POU6F2: variants seen among roughly 807,000 people sequenced by gnomAD.
POU6F2 encodes POU domain, class 6, transcription factor 2.
A neutral mutation model predicts 71.3 loss-of-function variants in POU6F2; 31 were observed. That is an observed-to-expected ratio of 0.43 (90% CI 0.33 to 0.59). The LOEUF is 0.59. Among genes scored for constraint, POU6F2 ranks in the 20% least tolerant of loss-of-function variants. POU6F2 has a pLI of 0.04. For missense variants in POU6F2, 783 were observed against 856.8 expected, an observed-to-expected ratio of 0.91 and a Z score of 1.07; for synonymous variants, 347 against 355.7, an observed-to-expected ratio of 0.98 and a Z score of 0.27.
chr7:39,383,613 ATGC>A (rs1177861977), intron 5 of POU6F2, among the ~76,000 whole-genome samples: 1 of 152,166 alleles, frequency 6.6e-6, no homozygotes, highest in Non-Finnish European at 1.5e-5. Context: ...TCACTCAGAG[ATGC>A]TTAACCATTG....
chr7:39,444,377 A>T (rs1054187697), intron 7 of POU6F2, among the ~76,000 whole-genome samples: 1 of 152,226 alleles, frequency 6.6e-6, no homozygotes, highest in African/African-American at 2.4e-5. Flanking sequence ...TGAGCTCAGG[A>T]GTTCGAGACC....
chr7:39,112,488 T>A (rs1791836825), intron 2 of POU6F2, among the ~76,000 whole-genome samples: 1 of 152,202 alleles, frequency 6.6e-6, no homozygotes, highest in Non-Finnish European at 1.5e-5. Flanking sequence ...TTTTTCAATA[T>A]GCTTATAACC....
chr7:39,198,327 A>G (rs1270913544), intron 2 of POU6F2, among the ~76,000 whole-genome samples: 1 of 152,238 alleles, frequency 6.6e-6, no homozygotes, highest in Non-Finnish European at 1.5e-5. Flanking sequence ...TTCAGTCCAA[A>G]TAAGAGATTT....
chr7:39,073,740 G>A (rs1227540220), intron 1 of POU6F2, among the ~76,000 whole-genome samples: 1 of 152,244 alleles, frequency 6.6e-6, no homozygotes, highest in Non-Finnish European at 1.5e-5. Context: ...GGGAAGCACA[G>A]GAAGCAACGC....
intron 2 of POU6F2, among the ~76,000 whole-genome samples, chr7:39,139,092 G>T (rs1390175989): frequency 1.3e-5 from 2 of 152,004 alleles, no homozygotes; most frequent in East Asian, 3.9e-4. Flanking sequence ...TTTGAACCAG[G>T]GGCCCTGCAG....
chr7:39,017,353 T>C (rs2128705821), intron 1 of POU6F2, among the ~76,000 whole-genome samples: 1 of 152,328 alleles, frequency 6.6e-6, no homozygotes, highest in South Asian at 2.1e-4. Context: ...CTGGGATCTG[T>C]TTACTTTGTA....
chr7:39,109,309 T>G (rs1208413927), intron 2 of POU6F2, among the ~76,000 whole-genome samples: 1 of 152,232 alleles, frequency 6.6e-6, no homozygotes, highest in Non-Finnish European at 1.5e-5. Flanking sequence ...GTGCTGGGAT[T>G]ATAGGTGTGA....
chr7:39,312,994 A>G (rs1197082798), intron 4 of POU6F2, among the ~76,000 whole-genome samples: 1 of 152,174 alleles, frequency 6.6e-6, no homozygotes, highest in African/African-American at 2.4e-5. Flanking sequence ...AAGTACAGAT[A>G]AGGGGGGACT....
chr7:39,123,729 G>A (rs1195081476), intron 2 of POU6F2, among the ~76,000 whole-genome samples: 1 of 151,310 alleles, frequency 6.6e-6, no homozygotes, highest in Non-Finnish European at 1.5e-5. Context: ...TCATAGCAAT[G>A]ACTCCTCAGT....
intron 2 of POU6F2, among the ~76,000 whole-genome samples, chr7:39,193,957 C>A (rs1793724036): frequency 6.6e-6 from 1 of 152,112 alleles, no homozygotes; most frequent in Non-Finnish European, 1.5e-5. Context: ...ATAATATATA[C>A]AAAGTCATTA....
Position 39,418,084 on chromosome 7 carries a change from T to C in POU6F2, c.1113+11344T>C, listed in dbSNP as rs140442329. 3.3e-3 allele frequency among the ~76,000 whole-genome samples: 507 copies of C among 152,314 alleles called. 5 individuals carry two copies. The highest frequency in any genetic ancestry group is 0.011 in the African/African-American group (457 of 41,570). ...ATTATACAGATTAAGAAACTTCCAA[T>C]ATCACCCAACTAGAAATGGCTGGAT... On this transcript the variant is annotated intron_variant, in intron 6 of 9. Transcript: ENST00000518318.
At chr7:39,046,434 C>T (rs1026047058) in intron 1 of POU6F2, among the ~76,000 whole-genome samples, 4 of 151,798 alleles carry the variant, frequency 2.6e-5, no homozygotes, top group Non-Finnish European at 4.4e-5. Flanking sequence ...ATTTGAAGTG[C>T]AAGAGTTATT....
At position 39,235,855 on chromosome 7, in the gene POU6F2, G is replaced by A. The variant is rs1794665357; in HGVS notation, c.598+28235G>A. Among the ~76,000 whole-genome samples the A allele has an allele frequency of 1.3e-5, 2 of 152,156 alleles. 1 individual carries two copies. Among genetic ancestry groups the A allele is most frequent in the South Asian group, 4.2e-4 (2 of 4,816 alleles). ...GATGCAAACACATGTGGGGGAAAAT[G>A]AGCCTGTACCTCCTGGATCACACAG... On this transcript the variant is annotated intron_variant, in intron 4 of 9. Transcript: ENST00000518318.
chr7:39,405,181 G>T (rs1016132656), intron 5 of POU6F2, among the ~76,000 whole-genome samples: 1 of 152,140 alleles, frequency 6.6e-6, no homozygotes, highest in Non-Finnish European at 1.5e-5. Context: ...ATAAGATAAA[G>T]ATACCACATT....
intron 1 of POU6F2, among the ~76,000 whole-genome samples, chr7:38,986,395 C>G (rs1334219072): frequency 6.6e-6 from 1 of 152,052 alleles, no homozygotes; most frequent in African/African-American, 2.4e-5. Flanking sequence ...AAACTGCAAA[C>G]GTATGAATAT....
rs181424968 is a variant in POU6F2, at chr7:38,981,281, T to C, written c.105+3223T>C. Among the ~76,000 whole-genome samples the C allele has an allele frequency of 4.3e-3, 655 of 152,362 alleles. 3 individuals carry two copies. Among genetic ancestry groups the C allele is most frequent in the South Asian group, 0.015 (73 of 4,832 alleles). ...TGTTTAGTGCTTCGTTTCTTTTTTTTGCAGACCTGAGCTTGTGAGTGACAG... is the reference window on the plus strand; with the variant it reads ...TGTTTAGTGCTTCGTTTCTTTTTTTCGCAGACCTGAGCTTGTGAGTGACAG... On this transcript the variant is annotated intron_variant, in intron 1 of 9. Transcript: ENST00000518318.
intron 2 of POU6F2, among the ~76,000 whole-genome samples, chr7:39,177,553 C>T (rs1396160746): frequency 1.3e-5 from 2 of 152,190 alleles, no homozygotes; most frequent in African/African-American, 4.8e-5. Flanking sequence ...ATTTGTGTTG[C>T]ATTTCATCTA....
intron 2 of POU6F2, among the ~76,000 whole-genome samples, chr7:39,200,401 A>G (rs4499996): frequency 0.83 from 126,305 of 152,186 alleles, 52,855 homozygotes; most frequent in East Asian, 1. Context: ...GCCATGGTAT[A>G]TGTAAAAATT....
chr7:39,205,041 C>T (rs1325557277), intron 3 of POU6F2, among the ~76,000 whole-genome samples: 1 of 151,726 alleles, frequency 6.6e-6, no homozygotes, highest in African/African-American at 2.4e-5. Flanking sequence ...AAGTTAATGA[C>T]TTTAAGCACA....
Sources: gnomAD v4.1 joint callset for allele counts (sites outside exome capture counted in the v4.1 genomes callset) on GRCh38, gnomAD v4.1.1 for gene constraint, MANE v1.5 for transcripts, NCBI Gene and HGNC (gene_info 2026-07-23, HGNC 2026-07-21) for gene names.